PAX5: variants seen among roughly 807,000 people sequenced by gnomAD.
PAX5 encodes paired box protein Pax-5.
Under a neutral mutation model 43.7 loss-of-function variants are expected in PAX5, and 9 were observed. The ratio of observed to expected loss-of-function variants is 0.21; its 90% CI spans 0.12 to 0.36. The LOEUF (loss-of-function observed/expected upper bound fraction) is 0.36, where lower values mean the gene tolerates loss of function less well. Among genes scored for constraint, PAX5 ranks in the 10% least tolerant of loss-of-function variants. The probability of loss-of-function intolerance (pLI) is 1.00; values close to 1 mark genes in which losing one functional copy is unlikely to be tolerated. For synonymous variants in PAX5, 228 were observed against 214.3 expected (o/e 1.06, Z -0.56); for missense variants, 383 against 532.7 (o/e 0.72, Z 2.77).
chr9:36,881,550 C>T (rs186227377), intron 8 of PAX5, among the ~76,000 whole-genome samples: 18 of 152,076 alleles, frequency 1.2e-4, no homozygotes, highest in Admixed American at 3.9e-4. Context: ...TCCAACATCC[C>T]GTCTGTCCTG....
In PAX5 at chr9:37,006,475, A is replaced by G. The variant is rs1300663454; in HGVS notation, c.473T>C (p.Ile158Thr). 6.2e-7 allele frequency: 1 copy of G among 1,612,650 alleles called. No individual in the cohort carries two copies. The highest frequency in any genetic ancestry group is 8.5e-7 in the Non-Finnish European group (1 of 1,178,754). ...TTTTTTTTAAAAGTTCCTCTTACCTATGCTGTGACTGGAAGCTGGGACTGG... is the reference window on the plus strand; with the variant it reads ...TTTTTTTTAAAAGTTCCTCTTACCTGTGCTGTGACTGGAAGCTGGGACTGG... ...NQPVPASSHS[I>T]VSTGSVTQVS... is the part of the protein sequence containing the mutation. Residue 158 changes from isoleucine (I) to threonine (T), a missense_variant and splice_region_variant, in exon 4 of 10, where the codon ATA (isoleucine) becomes ACA (threonine). Physicochemically the swap from Ile to Thr is moderately conservative, Grantham distance 89 (BLOSUM62 -1). Around this residue, in one of 5 missense-constraint regions of PAX5, gnomAD observed 291 missense variants for 342.5 expected, o/e 0.85. Coordinates refer to ENST00000358127, the MANE Select transcript of PAX5 (RefSeq NM_016734.3).
At chr9:36,999,434 G>A (rs914781871) in intron 5 of PAX5, among the ~76,000 whole-genome samples, 8 of 152,106 alleles carry the variant, frequency 5.3e-5, no homozygotes, top group East Asian at 1.9e-4. Context: ...AGTCTTGCTC[G>A]CCACCTTACC....
At chr9:36,878,648 C>T (rs749853603) in intron 8 of PAX5, among the ~76,000 whole-genome samples, 1 of 152,170 alleles carries the variant, frequency 6.6e-6, no homozygotes, top group Non-Finnish European at 1.5e-5. Context: ...AGGCCAACCA[C>T]GGTGAGGCCT....
At chr9:36,956,931 CA>C (rs1304163207) in intron 6 of PAX5, among the ~76,000 whole-genome samples, 2 of 152,152 alleles carry the variant, frequency 1.3e-5, no homozygotes, top group Non-Finnish European at 2.9e-5. Flanking sequence ...AAATAGCGTC[CA>C]AGTTAAATCT....
chr9:37,008,048 T>C (rs1564071271), intron 3 of PAX5: 2 of 152,122 alleles, frequency 1.3e-5, no homozygotes, highest in Non-Finnish European at 2.9e-5. Context: ...CCCAGTTTTT[T>C]TGTTTTTTTG....
At chr9:36,892,714 G>T (rs1310640706) in intron 7 of PAX5, among the ~76,000 whole-genome samples, 1 of 152,226 alleles carries the variant, frequency 6.6e-6, no homozygotes, top group Non-Finnish European at 1.5e-5. Context: ...AGGAAGGAAG[G>T]CAGCAATCCT....
rs150092385 is a variant in PAX5 at position 36,853,326 on chromosome 9, A to T, written c.1013-6397T>A. ...AAATGCATAGATCTGTGTGACCCAA[A>T]CCCCTACCAAGATATATTAATAGAA... On this transcript the variant is annotated intron_variant, in intron 8 of 9. Transcript: ENST00000358127. Among the ~76,000 whole-genome samples, 527 of 152,266 alleles carry T rather than the reference A, an allele frequency of 3.5e-3. 2 individuals carry two copies. The highest frequency in any genetic ancestry group is 0.012 in the African/African-American group (508 of 41,554).
rs1315417070 is a variant in PAX5 at position 36,833,366 on chromosome 9, A to T, written c.*7194T>A. ...TCTCACATAAAGGTTACATAAAATC[A>T]ATTCTTCACAAGTAACAGCCACTCA... is the stretch of plus-strand genomic sequence containing the variant. On this transcript the variant is annotated 3_prime_UTR_variant, in exon 10 of 10. Transcript: ENST00000358127. The T allele has an allele frequency of 4.3e-6, 1 of 233,096 alleles. No individual in the cohort carries two copies. The highest frequency in any genetic ancestry group is 8.5e-6 in the Non-Finnish European group (1 of 118,032). The allele number at this position is 233,096 out of a possible 1,614,324, so 14.4% of individuals were successfully genotyped here. A position where few individuals can be genotyped will look rare whatever the true frequency, so the allele number is the denominator to read the frequency against.
intron 7 of PAX5, among the ~76,000 whole-genome samples, chr9:36,911,380 C>T (rs572328858): frequency 2.0e-5 from 3 of 151,588 alleles, no homozygotes; most frequent in Admixed American, 6.6e-5. Flanking sequence ...AGGCTAGTCT[C>T]GAACTCCTGG....
At chr9:36,874,369 C>A (rs1825737159) in intron 8 of PAX5, among the ~76,000 whole-genome samples, 1 of 152,236 alleles carries the variant, frequency 6.6e-6, no homozygotes, top group African/African-American at 2.4e-5. Context: ...GCCTCATCTG[C>A]ATGTCTGCTT....
intron 8 of PAX5, among the ~76,000 whole-genome samples, chr9:36,863,303 G>A (rs997922682): frequency 2.0e-5 from 3 of 151,966 alleles, no homozygotes; most frequent in Non-Finnish European, 4.4e-5. Flanking sequence ...TCACTCTGTC[G>A]CCCAGGCTGG....
chr9:36,922,980 C>T (rs545666523), intron 7 of PAX5: 47 of 201,010 alleles, frequency 2.3e-4, no homozygotes, highest in African/African-American at 9.9e-4. Context: ...GCAAGGAATC[C>T]CATTCCTCCT....
At chr9:37,005,731 G>T (rs1442768420) in intron 4 of PAX5, among the ~76,000 whole-genome samples, 2 of 152,230 alleles carry the variant, frequency 1.3e-5, no homozygotes, top group Non-Finnish European at 2.9e-5. Context: ...CTAAATCATT[G>T]CCCACTTTCT....
At chr9:37,004,101 G>A (rs1838172636) in intron 4 of PAX5, among the ~76,000 whole-genome samples, 1 of 152,250 alleles carries the variant, frequency 6.6e-6, no homozygotes, top group Non-Finnish European at 1.5e-5. Flanking sequence ...CCAGAACTTA[G>A]CCTTGGGTTT....
At chr9:36,930,671 T>C (rs1189803439) in intron 6 of PAX5, among the ~76,000 whole-genome samples, 1 of 152,096 alleles carries the variant, frequency 6.6e-6, no homozygotes, top group Admixed American at 6.6e-5. Context: ...GCCAGTTCTA[T>C]GAATCTCATT....
intron 5 of PAX5, among the ~76,000 whole-genome samples, chr9:36,969,428 C>T (rs900340112): frequency 6.6e-6 from 1 of 152,248 alleles, no homozygotes; most frequent in Non-Finnish European, 1.5e-5. Context: ...AGGGTGGCTC[C>T]ACTGAGGGCC....
At chr9:36,995,960 T>C (rs1487708264) in intron 5 of PAX5, among the ~76,000 whole-genome samples, 2 of 152,186 alleles carry the variant, frequency 1.3e-5, no homozygotes, top group African/African-American at 4.8e-5. Flanking sequence ...CTCAGCTTCC[T>C]AAAGGCAAAG....
chr9:37,003,630 G>A (rs1439309563), intron 4 of PAX5, among the ~76,000 whole-genome samples: 2 of 152,110 alleles, frequency 1.3e-5, no homozygotes, highest in Admixed American at 6.5e-5. Flanking sequence ...TTGAGCTCAG[G>A]AGTTCAAGAC....
At chr9:36,880,638 C>T (rs996428458) in intron 8 of PAX5, among the ~76,000 whole-genome samples, 1 of 152,256 alleles carries the variant, frequency 6.6e-6, no homozygotes, top group African/African-American at 2.4e-5. Flanking sequence ...TCTTGGCTCA[C>T]TGTAACCTCT....
Sources: allele counts gnomAD v4.1 joint callset (sites outside exome capture counted in the v4.1 genomes callset), GRCh38; gene constraint gnomAD v4.1.1; regional missense constraint gnomAD v4.1.1; transcripts MANE v1.5; gene names NCBI Gene and HGNC (gene_info 2026-07-23, HGNC 2026-07-21).